The following PLB1 variants were observed in gnomAD, a reference collection of about 807,000 sequenced individuals.
PLB1 encodes phospholipase B1.
PLB1 carries 242 observed loss-of-function variants against 227.4 expected under a neutral mutation model. That is an observed-to-expected ratio of 1.06 (90% confidence interval 0.96 to 1.18). PLB1 has a LOEUF of 1.18. Ranked by LOEUF, PLB1 falls within the 50% of genes most tolerant of loss-of-function variation. The pLI, the probability that PLB1 is intolerant of heterozygous loss-of-function variation, is 0.00. For synonymous variants in PLB1, 757 were observed against 682.2 expected (o/e 1.11, Z -1.71); for missense variants, 1,858 against 1,816.3 (o/e 1.02, Z -0.42).
chr2:28,529,703 TC>T, intron 7 of PLB1, 24 bp from the exon 8 acceptor site: 1 of 1,612,720 alleles, frequency 6.2e-7, no homozygotes, highest in Non-Finnish European at 8.5e-7. Context: ...AGCCAATTTT[TC>T]TCTGTTTCCC....
At chr2:28,625,859 G>A (rs1687683719) in intron 50 of PLB1, among the ~76,000 whole-genome samples, 1 of 151,750 alleles carries the variant, frequency 6.6e-6, no homozygotes, top group Non-Finnish European at 1.5e-5. Flanking sequence ...AAGATTTCAA[G>A]GGGAAAATAG....
intron 1 of PLB1, among the ~76,000 whole-genome samples, chr2:28,510,351 C>T (rs1199501621): frequency 6.6e-6 from 1 of 152,018 alleles, no homozygotes; most frequent in Non-Finnish European, 1.5e-5. Context: ...ACGATCACCA[C>T]TCTCTGCTTG....
At chr2:28,525,142 A>G in intron 4 of PLB1, 125 bp from the exon 5 acceptor site, 1 of 824,728 alleles carries the variant, frequency 1.2e-6, no homozygotes, top group South Asian at 1.6e-5. Flanking sequence ...TGAGCCACCA[A>G]GCCTGGGCTT....
chr2:28,617,594 C>G (rs1396791961), intron 44 of PLB1, 133 bp from the exon 45 acceptor site: 1 of 834,152 alleles, frequency 1.2e-6, no homozygotes, highest in East Asian at 2.5e-5. Flanking sequence ...ACAGTTCTTT[C>G]CCTCACATGA....
chr2:28,503,793 G>A (rs935685673), intron 1 of PLB1, among the ~76,000 whole-genome samples: 5 of 152,062 alleles, frequency 3.3e-5, no homozygotes, highest in African/African-American at 7.2e-5. Context: ...TCTAATGTCC[G>A]GTCCCCAAAG....
chr2:28,548,555 T>A, intron 14 of PLB1: 1 of 498,546 alleles, frequency 2.0e-6, no homozygotes. Flanking sequence ...CAGCTTTTCC[T>A]TCTAGGAGAG....
chr2:28,632,219 G>A, intron 55 of PLB1, 79 bp downstream of exon 55: 1 of 1,165,132 alleles, frequency 8.6e-7, no homozygotes, highest in Admixed American at 2.3e-5. Flanking sequence ...TCTCTAAGTG[G>A]GCTTTTTTTT....
chr2:28,630,573 C>A lies in PLB1; in HGVS notation c.3819-13C>A. 6.2e-7 allele frequency: 1 copy of A among 1,611,684 alleles called. No homozygotes were observed. The highest frequency in any genetic ancestry group is 8.5e-7 in the Non-Finnish European group (1 of 1,178,214). On this transcript the variant is annotated splice_polypyrimidine_tract_variant and intron_variant, in intron 53 of 57. Transcript: ENST00000327757. ...CCCCAGGCAGCCTCAATACAACACT[C>A]CCTGTCTCACAGGAACAACTGCACT...
intron 17 of PLB1, among the ~76,000 whole-genome samples, chr2:28,560,294 G>T (rs1210845697): frequency 6.6e-6 from 1 of 152,092 alleles, no homozygotes; most frequent in African/African-American, 2.4e-5. Context: ...GGTGACCTTG[G>T]GGGTGAGGTA....
intron 20 of PLB1, 50 bp downstream of exon 20, chr2:28,566,889 C>T: frequency 6.2e-7 from 1 of 1,603,866 alleles, no homozygotes; most frequent in Middle Eastern, 1.7e-4. Flanking sequence ...GGCCCCTGCA[C>T]GCTTCCCGCT....
intron 21 of PLB1, among the ~76,000 whole-genome samples, 163 bp downstream of exon 21, chr2:28,573,468 T>A (rs948540023): frequency 6.6e-5 from 10 of 152,106 alleles, no homozygotes; most frequent in Admixed American, 2.0e-4. Flanking sequence ...GTCACAGAAA[T>A]CTGTGAGCCT....
At chr2:28,608,301 C>G (rs1390300256) in intron 43 of PLB1, among the ~76,000 whole-genome samples, 1 of 152,212 alleles carries the variant, frequency 6.6e-6, no homozygotes, top group African/African-American at 2.4e-5. Flanking sequence ...TCCCATGTGC[C>G]TTGGAGTGAT....
At chr2:28,573,492 C>A (rs1271921135) in intron 21 of PLB1, among the ~76,000 whole-genome samples, 187 bp downstream of exon 21, 1 of 152,224 alleles carries the variant, frequency 6.6e-6, no homozygotes, top group Non-Finnish European at 1.5e-5. Flanking sequence ...CTAACACCCA[C>A]CCCCAGAAAC....
At chr2:28,610,090 C>G (rs1041333616) in intron 43 of PLB1, among the ~76,000 whole-genome samples, 8 of 151,656 alleles carry the variant, frequency 5.3e-5, no homozygotes, top group African/African-American at 2.0e-4. Flanking sequence ...TTCACACTTT[C>G]TTTTTTATTT....
chr2:28,539,242 G>A lies in PLB1; in HGVS notation c.698+64G>A, dbSNP rs973446739. On this transcript the variant is annotated intron_variant, in intron 11 of 57. Coordinates refer to ENST00000327757, the MANE Select transcript of PLB1 (RefSeq NM_153021.5). ...CGGCTGTCACGTGTGCGGCCTGTGG[G>A]GGCCCTTCATGTGCCGTAATCTATG... 53 of 1,431,524 alleles carry A rather than the reference G, an allele frequency of 3.7e-5. No homozygotes were observed. In the East Asian group the frequency reaches 1.1e-3, roughly 31 times the overall value. The allele number at this position is 1,431,524 out of a possible 1,614,324, so 88.7% of individuals were successfully genotyped here. A position where few individuals can be genotyped will look rare whatever the true frequency, so the allele number is the denominator to read the frequency against.
chr2:28,598,803 G>A, intron 35 of PLB1, 43 bp downstream of exon 35: 4 of 1,503,376 alleles, frequency 2.7e-6, no homozygotes, highest in Non-Finnish European at 3.7e-6. Context: ...AGCAGGGAGT[G>A]GAATGTGGAT....
intron 5 of PLB1, among the ~76,000 whole-genome samples, chr2:28,525,521 G>A (rs1189065619): frequency 6.6e-6 from 1 of 152,094 alleles, no homozygotes; most frequent in South Asian, 2.1e-4. Context: ...TGGGTCCTTG[G>A]GGTGAATGAG....
At chr2:28,566,920 C>A in intron 20 of PLB1, 81 bp downstream of exon 20, 10 of 1,524,322 alleles carry the variant, frequency 6.6e-6, no homozygotes, top group Non-Finnish European at 9.0e-6. Flanking sequence ...GTGGCGCGGG[C>A]CTCGGGAGGA....
intron 44 of PLB1, among the ~76,000 whole-genome samples, chr2:28,617,238 T>C (rs1686321416): frequency 6.6e-6 from 1 of 152,230 alleles, no homozygotes; most frequent in African/African-American, 2.4e-5. Flanking sequence ...CTTTACAATT[T>C]TAAAATATTT....
Sources: gnomAD v4.1 joint callset for allele counts (sites outside exome capture counted in the v4.1 genomes callset) on GRCh38, gnomAD v4.1.1 for gene constraint, MANE v1.5 for transcripts, NCBI Gene and HGNC (gene_info 2026-07-23, HGNC 2026-07-21) for gene names.